LAPTM5: variants seen among roughly 807,000 people sequenced by gnomAD.
LAPTM5 encodes the protein lysosomal-associated transmembrane protein 5.
In LAPTM5, 11 loss-of-function variants were observed where a neutral mutation model predicts 30.1. The observed-to-expected ratio is 0.37, with a 90% CI of 0.23 to 0.60. The LOEUF (loss-of-function observed/expected upper bound fraction) is 0.60. Ranked by LOEUF, LAPTM5 falls within the 20% of genes least tolerant of loss-of-function variation. LAPTM5 has a pLI of 0.71. For synonymous variants in LAPTM5, 151 were observed against 137.9 expected (o/e 1.10, Z -0.67); for missense variants, 324 against 332.5 (o/e 0.97, Z 0.20).
intron 7 of LAPTM5, 24 bp from the exon 8 acceptor site, chr1:30,733,941 G>A: frequency 6.2e-7 from 1 of 1,605,442 alleles, no homozygotes. Context: ...AGAGATGAGG[G>A]CTGAGTATGG....
intron 1 of LAPTM5, among the ~76,000 whole-genome samples, chr1:30,747,775 G>A (rs1345941873): frequency 6.6e-6 from 1 of 152,164 alleles, no homozygotes; most frequent in East Asian, 1.9e-4. Context: ...CGGTACCAGA[G>A]GGGATGCGGT....
intron 1 of LAPTM5, among the ~76,000 whole-genome samples, chr1:30,748,403 T>TA: frequency 6.6e-6 from 1 of 152,102 alleles, no homozygotes; most frequent in Non-Finnish European, 1.5e-5. Context: ...CCCTGTGTCC[T>TA]ACAGCCTCAC....
chr1:30,757,002 A>T (rs1285145676), intron 1 of LAPTM5, among the ~76,000 whole-genome samples: 1 of 152,242 alleles, frequency 6.6e-6, no homozygotes, highest in Non-Finnish European at 1.5e-5. Flanking sequence ...GACAGCCGTG[A>T]CTTCACAAGT....
At position 30,739,168 on chromosome 1, in the gene LAPTM5, G is replaced by C; in HGVS notation, c.388-106C>G. 7.3e-7 allele frequency: 1 copy of C among 1,369,626 alleles called. No homozygotes were observed. The highest frequency in any genetic ancestry group is 9.9e-7 in the Non-Finnish European group (1 of 1,005,142). The allele number at this position is 1,369,626 out of a possible 1,614,324, so 84.8% of individuals were successfully genotyped here. A position where few individuals can be genotyped will look rare whatever the true frequency, so the allele number is the denominator to read the frequency against. ...CACTTGAGAGACCGTCTCAGCTACAGACATCAGTGACTCTCGTCCCCTGTG... is the reference window on the plus strand; with the variant it reads ...CACTTGAGAGACCGTCTCAGCTACACACATCAGTGACTCTCGTCCCCTGTG... On this transcript the variant is annotated intron_variant, in intron 4 of 7. Transcript: ENST00000294507. This position sits in a 1 kb window ranked among gnomAD's most constrained non-coding sequence, Gnocchi z 4.2.
chr1:30,739,971 C>A lies in LAPTM5; in HGVS notation c.259-34G>T. ...TAGGCCCAGCACCGTCAAGTGTCCC[C>A]TGCATGCAGCCAACACTCCGCCACC... On this transcript the variant is annotated intron_variant, in intron 3 of 7. Transcript: ENST00000294507. This position sits in a 1 kb window ranked among gnomAD's most constrained non-coding sequence, Gnocchi z 4.2. The A allele has an allele frequency of 6.6e-7, 1 of 1,525,406 alleles. No homozygotes were observed. The allele number at this position is 1,525,406 out of a possible 1,614,324, so 94.5% of individuals were successfully genotyped here.
chr1:30,751,580 G>A (rs1031763036), intron 1 of LAPTM5, among the ~76,000 whole-genome samples: 71 of 152,254 alleles, frequency 4.7e-4, no homozygotes, highest in African/African-American at 1.5e-3. Context: ...CTCTCCTAAC[G>A]ATACAAAACT....
chr1:30,750,640 C>T (rs1640122176), intron 1 of LAPTM5, among the ~76,000 whole-genome samples: 1 of 152,254 alleles, frequency 6.6e-6, no homozygotes, highest in East Asian at 1.9e-4. Context: ...GCAGAGCTGA[C>T]CCCCTCCCCC....
Position 30,739,755 on chromosome 1 carries a change from C to G in LAPTM5, c.387+54G>C. 6.6e-7 allele frequency: 1 copy of G among 1,524,924 alleles called. No individual in the cohort carries two copies. Among genetic ancestry groups the G allele is most frequent in the Non-Finnish European group, 8.8e-7 (1 of 1,132,856 alleles). The allele number at this position is 1,524,924 out of a possible 1,614,324, so 94.5% of individuals were successfully genotyped here. A position where few individuals can be genotyped will look rare whatever the true frequency, so the allele number is the denominator to read the frequency against. On this transcript the variant is annotated intron_variant, in intron 4 of 7. Transcript: ENST00000294507. This position sits in a 1 kb window ranked among gnomAD's most constrained non-coding sequence, Gnocchi z 4.2. Reference sequence around the variant, plus strand: ...CCCGTGTCTGGTCCCCTCCCATCTCCCATGCCAGACCTGGGCTCTGCTGTC... The same window carrying G: ...CCCGTGTCTGGTCCCCTCCCATCTCGCATGCCAGACCTGGGCTCTGCTGTC...
chr1:30,735,522 C>G (rs1235381642), intron 6 of LAPTM5, among the ~76,000 whole-genome samples: 3 of 152,330 alleles, frequency 2.0e-5, no homozygotes, highest in South Asian at 4.1e-4. Flanking sequence ...CTCCAATTTC[C>G]CTGGCAATAG....
At chr1:30,752,770 C>T (rs1184103812) in intron 1 of LAPTM5, among the ~76,000 whole-genome samples, 7 of 152,052 alleles carry the variant, frequency 4.6e-5, no homozygotes. Flanking sequence ...TGCACGAGGT[C>T]AGGGCAATAG....
At chr1:30,735,331 G>T in intron 6 of LAPTM5, 66 bp from the exon 7 acceptor site, 2 of 1,334,708 alleles carry the variant, frequency 1.5e-6, no homozygotes, top group Non-Finnish European at 1.1e-6. Flanking sequence ...GCAGGCCTAG[G>T]ACATATGCCA....
chr1:30,742,131 A>C, intron 2 of LAPTM5: 1 of 424,058 alleles, frequency 2.4e-6, no homozygotes, highest in Non-Finnish European at 4.3e-6. Flanking sequence ...TCCTATGGTG[A>C]GGAGTTTCCA....
Position 30,757,713 on chromosome 1 carries a change from G to A in LAPTM5, c.33C>T (p.Thr11=), listed in dbSNP as rs1640232177. The part of the protein sequence containing the change: MDPRLSTVRQ[T]CCCFNVRIAT... ...CGATGCGGACATTGAAGCAGCAGCA[G>A]GTCTGGCGGACAGTGGACAAGCGGG... is the stretch of plus-strand genomic sequence containing the variant. The change falls in exon 1 of 8, where the codon ACC becomes ACT. Residue 11 remains threonine (T), a synonymous_variant. Transcript: ENST00000294507. The A allele has an allele frequency of 6.2e-7, 1 of 1,613,922 alleles. No homozygotes were observed. The highest frequency in any genetic ancestry group is 8.5e-7 in the Non-Finnish European group (1 of 1,180,038).
intron 1 of LAPTM5, among the ~76,000 whole-genome samples, chr1:30,747,496 G>A (rs750706620): frequency 6.6e-6 from 1 of 152,174 alleles, no homozygotes; most frequent in East Asian, 1.9e-4. Context: ...CTCCTTTCCC[G>A]CTTTTCACCT....
intron 6 of LAPTM5, 144 bp from the exon 7 acceptor site, chr1:30,735,409 T>G: frequency 1.5e-6 from 1 of 680,012 alleles, no homozygotes; most frequent in Non-Finnish European, 2.6e-6. Context: ...TCATTCTGGT[T>G]GGGGGTTCCT....
intron 1 of LAPTM5, among the ~76,000 whole-genome samples, chr1:30,755,569 A>G (rs951054448): frequency 6.6e-6 from 1 of 152,150 alleles, no homozygotes; most frequent in African/African-American, 2.4e-5. Context: ...GAAGTCTTCC[A>G]TGATTGCTAG....
Position 30,746,599 on chromosome 1 carries a change from C to T in LAPTM5, c.88-4050G>A, listed in dbSNP as rs546838155. On this transcript the variant is annotated intron_variant, in intron 1 of 7. Transcript: ENST00000294507. The surrounding 1 kb of genome is among the most constrained non-coding windows in gnomAD (Gnocchi z 4.0). Reference sequence around the variant, plus strand: ...ACAAGGCTTCTCTCCCCCAACAATGCGCAGGCAGACAGCATGCCCTCACCC... The same window carrying T: ...ACAAGGCTTCTCTCCCCCAACAATGTGCAGGCAGACAGCATGCCCTCACCC... 2.0e-4 allele frequency among the ~76,000 whole-genome samples: 31 copies of T among 152,326 alleles called. No individual in the cohort carries two copies. The highest frequency in any genetic ancestry group is 5.3e-4 in the African/African-American group (22 of 41,572).
At chr1:30,743,338 C>T (rs1262136705) in intron 1 of LAPTM5, among the ~76,000 whole-genome samples, 1 of 152,138 alleles carries the variant, frequency 6.6e-6, no homozygotes. Flanking sequence ...CAAATGAACC[C>T]CACACTCTCA....
intron 6 of LAPTM5, among the ~76,000 whole-genome samples, chr1:30,737,149 C>A (rs1477620843): frequency 6.6e-6 from 1 of 152,200 alleles, no homozygotes; most frequent in Non-Finnish European, 1.5e-5. Context: ...AGAATGAGAC[C>A]ATTCCCCTCC....
Sources: allele counts gnomAD v4.1 joint callset (sites outside exome capture counted in the v4.1 genomes callset), GRCh38; gene constraint gnomAD v4.1.1; non-coding constraint Gnocchi (gnomAD v3.1); transcripts MANE v1.5; gene names NCBI Gene and HGNC (gene_info 2026-07-23, HGNC 2026-07-21).